SYNE3: variants seen among roughly 807,000 people sequenced by gnomAD.
SYNE3 encodes the protein nesprin-3.
Under a neutral mutation model 111.2 loss-of-function variants are expected in SYNE3, and 100 were observed. That is an observed-to-expected ratio of 0.90 (90% CI 0.77 to 1.06). SYNE3 has a LOEUF of 1.06. Ranked by LOEUF, SYNE3 falls within the 50% of genes least tolerant of loss-of-function variation. SYNE3 has a pLI of 0.00. For synonymous variants in SYNE3, 547 were observed against 533.9 expected, an observed-to-expected ratio of 1.02 and a Z score of -0.34; for missense variants, 1,160 against 1,240.3, an observed-to-expected ratio of 0.94 and a Z score of 0.97.
intron 11 of SYNE3, among the ~76,000 whole-genome samples, chr14:95,441,018 G>A (rs984033314): frequency 1.3e-5 from 2 of 152,234 alleles, no homozygotes; most frequent in African/African-American, 4.8e-5. Context: ...CAGAAGGGCA[G>A]CCATTCTCTA....
Position 95,467,877 on chromosome 14 carries a change from G to C in SYNE3, c.235C>G (p.Gln79Glu). ...AGCCGGGCCAGGATCCCGGGCTTCTGGTCCCCAGGGCAGCATGCCAAGAGG... is the reference window on the plus strand; with the variant it reads ...AGCCGGGCCAGGATCCCGGGCTTCTCGTCCCCAGGGCAGCATGCCAAGAGG... ...EALLACCPGD[Q>E]KPGILARLKD... The change falls in exon 3 of 18, where the codon CAG (glutamine) becomes GAG (glutamate). Residue 79 changes from glutamine (Q) to glutamate (E), a missense_variant. By Grantham distance (29) the Gln-to-Glu change is conservative. Coordinates refer to ENST00000682763, the MANE Select transcript of SYNE3 (RefSeq NM_152592.6). 6 of 1,614,188 alleles carry C rather than the reference G, an allele frequency of 3.7e-6. No individual in the cohort carries two copies. Among genetic ancestry groups the C allele is most frequent in the South Asian group, 2.2e-5 (2 of 91,080 alleles).
At chr14:95,419,994 C>T (rs1047367301) in intron 17 of SYNE3, among the ~76,000 whole-genome samples, 14 of 22,490 alleles carry the variant, frequency 6.2e-4, no homozygotes, top group South Asian at 2.6e-3. Context: ...AGTTCTGTCT[C>T]TCTACCTCTC....
At chr14:95,478,849 C>T (rs1275887497) in intron 1 of SYNE3, among the ~76,000 whole-genome samples, 1 of 152,128 alleles carries the variant, frequency 6.6e-6, no homozygotes, top group Non-Finnish European at 1.5e-5. Flanking sequence ...TGAGCCATCC[C>T]CTATCTCAGG....
chr14:95,434,608 C>T (rs191337536), intron 15 of SYNE3, among the ~76,000 whole-genome samples: 74 of 152,312 alleles, frequency 4.9e-4, no homozygotes, highest in Middle Eastern at 3.4e-3. Context: ...GGTCCCTACT[C>T]GCCTGGCAGT....
intron 11 of SYNE3, among the ~76,000 whole-genome samples, chr14:95,442,182 A>C (rs1260217319): frequency 6.6e-6 from 1 of 152,218 alleles, no homozygotes; most frequent in East Asian, 1.9e-4. Flanking sequence ...CCATTTCAGA[A>C]AACCACATCA....
chr14:95,464,029 T>C (rs747251988), intron 4 of SYNE3, among the ~76,000 whole-genome samples: 3 of 152,218 alleles, frequency 2.0e-5, no homozygotes, highest in African/African-American at 2.4e-5. Flanking sequence ...GTGCCTGGCC[T>C]GGAATCCAAG....
At chr14:95,482,771 C>G (rs1889335970) in intron 1 of SYNE3, among the ~76,000 whole-genome samples, 1 of 152,172 alleles carries the variant, frequency 6.6e-6, no homozygotes, top group African/African-American at 2.4e-5. Context: ...GACTGTATGA[C>G]AAAAGGTTTG....
intron 7 of SYNE3, chr14:95,451,351 T>C (rs969730248): frequency 6.6e-6 from 1 of 152,252 alleles, no homozygotes; most frequent in African/African-American, 2.4e-5. Context: ...TCTAGGCCCA[T>C]TTAATTTCTA....
intron 1 of SYNE3, among the ~76,000 whole-genome samples, chr14:95,508,697 G>A (rs942673151): frequency 2.0e-5 from 3 of 152,216 alleles, no homozygotes; most frequent in African/African-American, 7.2e-5. Context: ...AACTTGGCAT[G>A]AGCAGGAGAG....
At chr14:95,514,633 A>G (rs1890847575) in intron 1 of SYNE3, among the ~76,000 whole-genome samples, 1 of 152,204 alleles carries the variant, frequency 6.6e-6, no homozygotes, top group Non-Finnish European at 1.5e-5. Flanking sequence ...GCCCCTTTCC[A>G]CGGGGAAGGA....
chr14:95,449,725 C>A, intron 8 of SYNE3: 1 of 975,566 alleles, frequency 1.0e-6, no homozygotes, highest in Non-Finnish European at 1.2e-6. Context: ...CCGGGTTAAC[C>A]CCCAGGAGCC....
intron 6 of SYNE3, 58 bp downstream of exon 6, chr14:95,455,319 C>T: frequency 1.4e-6 from 2 of 1,394,448 alleles, no homozygotes; most frequent in Non-Finnish European, 1.9e-6. Context: ...GGTCTGAGTG[C>T]CAGGACCCTG....
chr14:95,407,784 C>CAT lies in SYNE3; in HGVS notation c.*10041_*10042insAT, dbSNP rs1262907398. The CAT allele has an allele frequency of 6.6e-6, 1 of 151,978 alleles. No individual in the cohort carries two copies. Among genetic ancestry groups the CAT allele is most frequent in the East Asian group, 1.9e-4 (1 of 5,162 alleles). 9.4% of individuals were successfully genotyped at this position (151,978 alleles called of 1,614,324 possible). On this transcript the variant is annotated 3_prime_UTR_variant, in exon 18 of 18. Transcript: ENST00000682763. ...ACAAACACACACACACAGACACACACACACACACACACACACCCCATGCCA... is the reference window on the plus strand; with the variant it reads ...ACAAACACACACACACAGACACACACATACACACACACACACACCCCATGCCA...
intron 1 of SYNE3, among the ~76,000 whole-genome samples, chr14:95,479,683 G>A (rs1595242510): frequency 6.6e-6 from 1 of 152,204 alleles, no homozygotes; most frequent in African/African-American, 2.4e-5. Flanking sequence ...GGGGATGGAC[G>A]CACAGTAAGG....
chr14:95,480,370 A>G (rs2064747), intron 1 of SYNE3, among the ~76,000 whole-genome samples: 53,427 of 151,970 alleles, frequency 0.35, 10,435 homozygotes, highest in African/African-American at 0.52. Flanking sequence ...TGTGGTTATC[A>G]CAAATGACAG....
Position 95,416,952 on chromosome 14 carries a change from C to G in SYNE3, c.*874G>C, listed in dbSNP as rs1301197853. ...GTGCCTCACCATTCTGCATGGAAATCTTAAAAATCAAGCTTGTCTTCTTCC... is the reference window on the plus strand; with the variant it reads ...GTGCCTCACCATTCTGCATGGAAATGTTAAAAATCAAGCTTGTCTTCTTCC... On this transcript the variant is annotated 3_prime_UTR_variant, in exon 18 of 18. Transcript: ENST00000682763. 6.6e-6 allele frequency: 1 copy of G among 152,240 alleles called. No individual in the cohort carries two copies. Among genetic ancestry groups the G allele is most frequent in the African/African-American group, 2.4e-5 (1 of 41,448 alleles). The allele number at this position is 152,240 out of a possible 1,614,324, so 9.4% of individuals were successfully genotyped here.
intron 1 of SYNE3, among the ~76,000 whole-genome samples, chr14:95,490,002 CA>C (rs1273121181): frequency 3.9e-5 from 6 of 152,234 alleles, no homozygotes; most frequent in African/African-American, 1.4e-4. Flanking sequence ...AACTTGCTCC[CA>C]AACCCCAGTT....
Position 95,417,766 on chromosome 14 carries a change from A to G in SYNE3, c.*60T>C. ...TCCAGTTTCCCTGGCGAGCATCCTC[A>G]GGAGGGGCCCTGGGACTGATGGAGG... On this transcript the variant is annotated 3_prime_UTR_variant, in exon 18 of 18. Transcript: ENST00000682763. 1.3e-6 allele frequency: 2 copies of G among 1,577,306 alleles called. No individual in the cohort carries two copies. Among genetic ancestry groups the G allele is most frequent in the East Asian group, 2.2e-5 (1 of 44,652 alleles).
chr14:95,500,729 G>A lies in SYNE3; in HGVS notation c.-15+15867C>T, dbSNP rs1282891151. Among the ~76,000 whole-genome samples, 1 of 152,062 alleles carries A rather than the reference G, an allele frequency of 6.6e-6. No homozygotes were observed. The highest frequency in any genetic ancestry group is 1.5e-5 in the Non-Finnish European group (1 of 68,024). Reference sequence around the variant, plus strand: ...CAGCCATTTTAACATCTTTTCCCTCGCAGGACCCTGGGTTGTCCCCAGCAG... The same window carrying A: ...CAGCCATTTTAACATCTTTTCCCTCACAGGACCCTGGGTTGTCCCCAGCAG... On this transcript the variant is annotated intron_variant, in intron 1 of 17. Coordinates refer to ENST00000682763, the MANE Select transcript of SYNE3 (RefSeq NM_152592.6). The surrounding 1 kb of genome is among the most constrained non-coding windows in gnomAD (Gnocchi z 4.7).
Sources: allele counts gnomAD v4.1 joint callset (sites outside exome capture counted in the v4.1 genomes callset), GRCh38; gene constraint gnomAD v4.1.1; non-coding constraint Gnocchi (gnomAD v3.1); transcripts MANE v1.5; gene names NCBI Gene and HGNC (gene_info 2026-07-23, HGNC 2026-07-21).